Variants in THSD4 observed in about 807,000 individuals in gnomAD.
THSD4 encodes the protein thrombospondin type 1 domain containing 4.
A neutral mutation model predicts 119.0 loss-of-function variants in THSD4; 69 were observed. The observed-to-expected ratio is 0.58, with a 90% CI of 0.48 to 0.71. The LOEUF (loss-of-function observed/expected upper bound fraction) is 0.71. Among genes scored for constraint, THSD4 ranks in the 30% least tolerant of loss-of-function variants. The pLI, the probability that THSD4 is intolerant of heterozygous loss-of-function variation, is 0.00. For missense variants in THSD4, 1,393 were observed against 1,391.1 expected (o/e 1.00, Z -0.02); for synonymous variants, 524 against 540.4 (o/e 0.97, Z 0.42).
intron 4 of THSD4, among the ~76,000 whole-genome samples, chr15:71,231,854 A>C (rs2044064251): frequency 6.6e-6 from 1 of 152,188 alleles, no homozygotes; most frequent in South Asian, 2.1e-4. Context: ...TATTACCCAG[A>C]ACAGCCCTGG....
At chr15:71,271,820 A>G (rs2044533968) in intron 6 of THSD4, among the ~76,000 whole-genome samples, 1 of 152,162 alleles carries the variant, frequency 6.6e-6, no homozygotes, top group African/African-American at 2.4e-5. Context: ...AATGTGTAGT[A>G]TCAACTATAC....
chr15:71,550,882 A>G (rs776316721), intron 7 of THSD4, among the ~76,000 whole-genome samples: 14 of 152,244 alleles, frequency 9.2e-5, no homozygotes, highest in Non-Finnish European at 1.6e-4. Flanking sequence ...TGACTATCCT[A>G]AAAACTACTG....
intron 7 of THSD4, among the ~76,000 whole-genome samples, chr15:71,467,278 T>C (rs1294362987): frequency 6.6e-6 from 1 of 152,242 alleles, no homozygotes; most frequent in Non-Finnish European, 1.5e-5. Context: ...GGTTCACGGC[T>C]GAGCACTCCA....
At chr15:71,211,319 A>G (rs2043886758) in intron 3 of THSD4, among the ~76,000 whole-genome samples, 1 of 152,190 alleles carries the variant, frequency 6.6e-6, no homozygotes, top group South Asian at 2.1e-4. Flanking sequence ...TATTTCTCAT[A>G]GTTCTGGAGG....
At chr15:71,504,791 G>C (rs1287250918) in intron 7 of THSD4, among the ~76,000 whole-genome samples, 1 of 152,074 alleles carries the variant, frequency 6.6e-6, no homozygotes, top group African/African-American at 2.4e-5. Context: ...GACTTTCTTT[G>C]GTTTTCAGCA....
At chr15:71,314,474 T>C (rs1213532589) in intron 6 of THSD4, among the ~76,000 whole-genome samples, 1 of 152,002 alleles carries the variant, frequency 6.6e-6, no homozygotes, top group Non-Finnish European at 1.5e-5. Context: ...GCGCAGCTAA[T>C]TATTGTATAT....
At chr15:71,163,126 T>C (rs2043261872) in intron 3 of THSD4, among the ~76,000 whole-genome samples, 1 of 152,044 alleles carries the variant, frequency 6.6e-6, no homozygotes, top group African/African-American at 2.4e-5. Context: ...GGGCATTTCA[T>C]AAATAGCCTT....
intron 8 of THSD4, among the ~76,000 whole-genome samples, chr15:71,697,958 C>T (rs898240371): frequency 4.0e-5 from 6 of 151,224 alleles, no homozygotes; most frequent in African/African-American, 7.3e-5. Context: ...TGAAATATGG[C>T]ACAGAACCCC....
chr15:71,410,754 A>G (rs2046675674), intron 6 of THSD4, among the ~76,000 whole-genome samples: 1 of 152,192 alleles, frequency 6.6e-6, no homozygotes, highest in African/African-American at 2.4e-5. Context: ...GAATATGGCC[A>G]GGTGTGGTGG....
chr15:71,126,192 C>T (rs2040454304), intron 1 of THSD4, among the ~76,000 whole-genome samples: 1 of 152,186 alleles, frequency 6.6e-6, no homozygotes, highest in Non-Finnish European at 1.5e-5. Context: ...AGTGGACAGT[C>T]AGGGCTCTTA....
At chr15:71,763,845 A>G (rs1015878398) in intron 15 of THSD4, among the ~76,000 whole-genome samples, 1 of 151,988 alleles carries the variant, frequency 6.6e-6, no homozygotes, top group East Asian at 1.9e-4. Flanking sequence ...CAGGCAGATC[A>G]TTTGGGTTCA....
At chr15:71,152,803 C>T (rs768133589) in intron 2 of THSD4, among the ~76,000 whole-genome samples, 1 of 152,130 alleles carries the variant, frequency 6.6e-6, no homozygotes, top group Non-Finnish European at 1.5e-5. Context: ...TGCGCCATGC[C>T]CTGGTGCAGG....
In THSD4 at chr15:71,762,180, G is replaced by C. The variant is rs200276820; in HGVS notation, c.2590-2840G>C. Among the ~76,000 whole-genome samples, 23 of 101,148 alleles carry C rather than the reference G, an allele frequency of 2.3e-4. No individual in the cohort carries two copies. In the East Asian group the frequency reaches 3.5e-3, roughly 15 times the overall value. The allele number at this position is 101,148 out of a possible 152,430, so 66.4% of individuals were successfully genotyped here. A position where few individuals can be genotyped will look rare whatever the true frequency, so the allele number is the denominator to read the frequency against. ...ACACACACACACACACACACACACA[G>C]AGATAGAGATACACACACATGAACA... On this transcript the variant is annotated intron_variant, in intron 15 of 17. Transcript: ENST00000261862.
intron 17 of THSD4, among the ~76,000 whole-genome samples, chr15:71,774,235 C>T (rs867885665): frequency 1.3e-5 from 2 of 148,538 alleles, no homozygotes; most frequent in Middle Eastern, 3.4e-3. Context: ...CACCTGAGCC[C>T]AGGAAGTCGA....
intron 7 of THSD4, among the ~76,000 whole-genome samples, chr15:71,479,451 G>GT (rs1444404595): frequency 6.6e-6 from 1 of 152,062 alleles, no homozygotes; most frequent in Non-Finnish European, 1.5e-5. Context: ...TGGATTTGGG[G>GT]TTTTATGGAA....
intron 5 of THSD4, among the ~76,000 whole-genome samples, chr15:71,251,127 A>T (rs1270198893): frequency 1.3e-5 from 2 of 152,154 alleles, no homozygotes; most frequent in East Asian, 3.8e-4. Context: ...GAGAAAGGAG[A>T]TATTAAACAT....
chr15:71,274,259 A>G (rs1369688394), intron 6 of THSD4, among the ~76,000 whole-genome samples: 1 of 152,220 alleles, frequency 6.6e-6, no homozygotes, highest in Non-Finnish European at 1.5e-5. Context: ...ATCAACTGTC[A>G]TTTCATCATT....
At chr15:71,350,938 C>G (rs1280249980) in intron 6 of THSD4, among the ~76,000 whole-genome samples, 10 of 152,186 alleles carry the variant, frequency 6.6e-5, no homozygotes, top group Admixed American at 6.5e-4. Flanking sequence ...TGACCTGATA[C>G]ATGAGACCAC....
At chr15:71,660,845 A>T in intron 8 of THSD4, 111 bp downstream of exon 8, 1 of 1,226,892 alleles carries the variant, frequency 8.2e-7, no homozygotes, top group South Asian at 1.4e-5. Flanking sequence ...GCATGCAGGC[A>T]GTGCCCCTGG....
Sources: gnomAD v4.1 joint callset for allele counts (sites outside exome capture counted in the v4.1 genomes callset) on GRCh38, gnomAD v4.1.1 for gene constraint, MANE v1.5 for transcripts, NCBI Gene and HGNC (gene_info 2026-07-23, HGNC 2026-07-21) for gene names.